PACS1: variants seen among roughly 807,000 people sequenced by gnomAD.
PACS1 encodes PACS-1.
A neutral mutation model predicts 115.0 loss-of-function variants in PACS1; 24 were observed. That is an observed-to-expected ratio of 0.21 (90% confidence interval 0.15 to 0.29). The LOEUF is 0.29. Among genes scored for constraint, PACS1 ranks in the 10% least tolerant of loss-of-function variants. PACS1 has a pLI of 1.00. For synonymous variants in PACS1, 453 were observed against 504.5 expected (o/e 0.90, Z 1.37); for missense variants, 838 against 1,251.2 (o/e 0.67, Z 4.98).
chr11:66,226,039 G>A (rs745634442), intron 10 of PACS1, among the ~76,000 whole-genome samples: 2 of 152,206 alleles, frequency 1.3e-5, no homozygotes, highest in Non-Finnish European at 2.9e-5. Flanking sequence ...AGGCATGGTG[G>A]CAGACGCTTG....
At chr11:66,203,234 CAAG>C (rs947987100) in intron 2 of PACS1, among the ~76,000 whole-genome samples, 34 of 151,922 alleles carry the variant, frequency 2.2e-4, no homozygotes, top group Admixed American at 5.3e-4. Context: ...AAAAAGAAAT[CAAG>C]AAAGTAATCC....
chr11:66,226,813 C>A (rs1330088787), intron 10 of PACS1, among the ~76,000 whole-genome samples: 1 of 152,182 alleles, frequency 6.6e-6, no homozygotes, highest in Non-Finnish European at 1.5e-5. Context: ...AGACCTACAA[C>A]CCACACGTCA....
At chr11:66,211,670 C>A (rs970019543) in intron 4 of PACS1, among the ~76,000 whole-genome samples, 3 of 152,146 alleles carry the variant, frequency 2.0e-5, no homozygotes, top group Admixed American at 6.5e-5. Flanking sequence ...CCCCATTACA[C>A]GTTAATACTG....
intron 1 of PACS1, among the ~76,000 whole-genome samples, chr11:66,173,433 C>T (rs926092468): frequency 2.0e-5 from 3 of 152,136 alleles, no homozygotes; most frequent in African/African-American, 4.8e-5. Flanking sequence ...CTCAGCCGGG[C>T]GCAGTGGCTC....
intron 1 of PACS1, among the ~76,000 whole-genome samples, chr11:66,096,214 T>C (rs1199130065): frequency 5.1e-5 from 2 of 38,924 alleles, no homozygotes; most frequent in Non-Finnish European, 9.2e-5. Flanking sequence ...TCTTTCTTTT[T>C]TTTTTTTTTT....
At chr11:66,165,774 T>G (rs1859586942) in intron 1 of PACS1, among the ~76,000 whole-genome samples, 1 of 152,192 alleles carries the variant, frequency 6.6e-6, no homozygotes, top group South Asian at 2.1e-4. Flanking sequence ...GACAGTGATC[T>G]CACTATGTTG....
At chr11:66,157,601 G>A (rs755269841) in intron 1 of PACS1, among the ~76,000 whole-genome samples, 16 of 152,058 alleles carry the variant, frequency 1.1e-4, no homozygotes, top group Non-Finnish European at 1.8e-4. Context: ...TATAAATGAG[G>A]GTGGGAGGCA....
intron 19 of PACS1, 83 bp from the exon 20 acceptor site, chr11:66,238,721 G>A (rs1855752012): frequency 2.4e-6 from 3 of 1,241,374 alleles, no homozygotes; most frequent in Admixed American, 2.0e-5. Context: ...GATGGCTCTT[G>A]TGCCACCAAT....
chr11:66,119,462 C>T lies in PACS1; in HGVS notation c.356+48620C>T, dbSNP rs932849794. Among the ~76,000 whole-genome samples, 9 of 152,292 alleles carry T rather than the reference C, an allele frequency of 5.9e-5. No individual in the cohort carries two copies. The East Asian group carries it at 1.5e-3, about 26-fold the overall frequency. ...GCCCTTTACAGAGAAAGCTTGCTGG[C>T]TCCTGTTTAATGCTTTAACTGCCCT... On this transcript the variant is annotated intron_variant, in intron 1 of 23. Coordinates refer to ENST00000320580, the MANE Select transcript of PACS1 (RefSeq NM_018026.4).
intron 2 of PACS1, among the ~76,000 whole-genome samples, chr11:66,201,740 A>G (rs1854803956): frequency 1.3e-5 from 2 of 151,474 alleles, no homozygotes; most frequent in South Asian, 4.2e-4. Flanking sequence ...GCTCATTGCA[A>G]CCTCTGCCTC....
chr11:66,209,253 A>T (rs1304113966), intron 2 of PACS1, among the ~76,000 whole-genome samples: 2 of 152,150 alleles, frequency 1.3e-5, no homozygotes, highest in East Asian at 1.9e-4. Flanking sequence ...AGGCCCAGAG[A>T]CAAGACAGTA....
At position 66,208,295 on chromosome 11, in the gene PACS1, G is replaced by A. The variant is rs1021058735; in HGVS notation, c.445-2067G>A. Among the ~76,000 whole-genome samples, 3 of 152,112 alleles carry A rather than the reference G, an allele frequency of 2.0e-5. No individual in the cohort carries two copies. The East Asian group carries it at 5.8e-4, about 29-fold the overall frequency. Reference sequence around the variant, plus strand: ...AATCACAGCTTTGCTGAAGACACGTGAGAGATGAGCAGCTCAAAAATTTGT... The same window carrying A: ...AATCACAGCTTTGCTGAAGACACGTAAGAGATGAGCAGCTCAAAAATTTGT... On this transcript the variant is annotated intron_variant, in intron 2 of 23. Transcript: ENST00000320580.
At chr11:66,125,664 C>T (rs1203813066) in intron 1 of PACS1, among the ~76,000 whole-genome samples, 1 of 152,152 alleles carries the variant, frequency 6.6e-6, no homozygotes, top group Non-Finnish European at 1.5e-5. Flanking sequence ...CAGTGTCTAA[C>T]TATGCCTGTG....
At chr11:66,238,970 C>A in intron 20 of PACS1, 124 bp downstream of exon 20, 1 of 1,345,320 alleles carries the variant, frequency 7.4e-7, no homozygotes, top group Non-Finnish European at 1.0e-6. Context: ...GAGCAGGAAG[C>A]CTATGGGCGC....
At chr11:66,225,450 A>T (rs1419850768) in intron 10 of PACS1, among the ~76,000 whole-genome samples, 1 of 152,226 alleles carries the variant, frequency 6.6e-6, no homozygotes, top group Non-Finnish European at 1.5e-5. Context: ...TGTCTGGGAC[A>T]TCTGGAAGAG....
At chr11:66,193,259 C>T (rs1194698200) in intron 1 of PACS1, among the ~76,000 whole-genome samples, 2 of 152,138 alleles carry the variant, frequency 1.3e-5, no homozygotes, top group African/African-American at 2.4e-5. Flanking sequence ...CGGGGAGGAT[C>T]CTTGGGCCCA....
intron 2 of PACS1, among the ~76,000 whole-genome samples, chr11:66,204,659 A>G (rs904938411): frequency 6.6e-6 from 1 of 152,146 alleles, no homozygotes. Context: ...AATAACATGG[A>G]TGGAACTGGA....
intron 1 of PACS1, among the ~76,000 whole-genome samples, chr11:66,148,661 C>T (rs188713676): frequency 2.7e-4 from 41 of 152,284 alleles, no homozygotes; most frequent in African/African-American, 9.9e-4. Flanking sequence ...TGCGGTGGCT[C>T]ACGCCTGTAA....
chr11:66,087,476 T>C (rs1227775832), intron 1 of PACS1, among the ~76,000 whole-genome samples: 2 of 151,970 alleles, frequency 1.3e-5, no homozygotes, highest in Non-Finnish European at 2.9e-5. Flanking sequence ...TGCCTGACCT[T>C]AGGTGATCCA....
Sources: allele counts gnomAD v4.1 joint callset (sites outside exome capture counted in the v4.1 genomes callset), GRCh38; gene constraint gnomAD v4.1.1; transcripts MANE v1.5; gene names NCBI Gene and HGNC (gene_info 2026-07-23, HGNC 2026-07-21).